The following FRMPD3 variants were observed in gnomAD, a reference collection of about 807,000 sequenced individuals.
FRMPD3 encodes the protein FERM and PDZ domain containing 3, also known as FERM and PDZ domain-containing protein 3.
FRMPD3 carries 42 observed loss-of-function variants against 97.9 expected under a neutral mutation model. The ratio of observed to expected loss-of-function variants is 0.43; its 90% CI spans 0.34 to 0.55. The LOEUF (loss-of-function observed/expected upper bound fraction) is 0.55, where lower values mean the gene tolerates loss of function less well. Ranked by LOEUF, FRMPD3 falls within the 20% of genes least tolerant of loss-of-function variation. The pLI, the probability that FRMPD3 is intolerant of heterozygous loss-of-function variation, is 0.03. For synonymous variants in FRMPD3, 577 were observed against 581.1 expected (o/e 0.99, Z 0.10); for missense variants, 1,303 against 1,457.7 (o/e 0.89, Z 1.73).
intron 13 of FRMPD3, among the ~76,000 whole-genome samples, chrX:107,589,619 A>G (rs890360854): frequency 2.7e-5 from 3 of 111,702 alleles, no homozygotes; most frequent in African/African-American, 6.5e-5. Context: ...GTTCTTTTCC[A>G]TGGGAAACTT....
intron 8 of FRMPD3, among the ~76,000 whole-genome samples, chrX:107,559,836 T>C (rs984086998): frequency 9.1e-6 from 1 of 110,348 alleles, no homozygotes; most frequent in Admixed American, 9.7e-5. Flanking sequence ...CTGTGGAGAG[T>C]CCCTCCCAGT....
chrX:107,599,902 C>T (rs1395140002), intron 14 of FRMPD3, among the ~76,000 whole-genome samples: 1 of 111,102 alleles, frequency 9.0e-6, no homozygotes, highest in African/African-American at 3.3e-5. Flanking sequence ...TATGCACTTC[C>T]TATATAGTCA....
intron 1 of FRMPD3, among the ~76,000 whole-genome samples, chrX:107,522,974 TG>T (rs1290826043): frequency 5.2e-4 from 58 of 111,353 alleles, no homozygotes; most frequent in African/African-American, 1.8e-3. Context: ...TGTTCAGGGA[TG>T]CCCTATTTGA....
In FRMPD3 at chrX:107,489,921, A is replaced by G. The variant is rs1392696165; in HGVS notation, c.-7-36661A>G. On this transcript the variant is annotated intron_variant, in intron 1 of 14. Transcript: ENST00000683843. ...ACATGAAGTCCTTGCCCATGCCTAT[A>G]TCCTGAATGGTATTGCCTAGGTTTT... Among the ~76,000 whole-genome samples, 197 of 111,587 alleles carry G rather than the reference A, an allele frequency of 1.8e-3. 1 individual carries two copies. Among genetic ancestry groups the G allele is most frequent in the African/African-American group, 5.9e-3 (181 of 30,679 alleles).
intron 1 of FRMPD3, among the ~76,000 whole-genome samples, chrX:107,499,870 A>G (rs1921863644): frequency 9.0e-6 from 1 of 111,174 alleles, no homozygotes; most frequent in African/African-American, 3.3e-5. Context: ...CCTCCCTCCC[A>G]ACTCTGGGCC....
Position 107,603,311 on chromosome X carries a change from T to C in FRMPD3, c.5272T>C (p.Ser1758Pro). ...GGCAGCCACAGAGCATCCACCAGGC[T>C]CCCCAACTTCGGCGACTGTTATGAG... ...AGAATEHPPG[S>P]PTSATVMSTF... The change falls in exon 15 of 15, where the codon TCC becomes CCC. Residue 1758 changes from serine (S) to proline (P), a missense_variant. Transcript: ENST00000683843. The C allele has an allele frequency of 9.1e-7, 1 of 1,103,889 alleles. No homozygotes were observed. The highest frequency in any genetic ancestry group is 3.5e-5 in the East Asian group (1 of 28,920). 91.0% of individuals were successfully genotyped at this position (1,103,889 alleles called of 1,213,427 possible). A position where few individuals can be genotyped will look rare whatever the true frequency, so the allele number is the denominator to read the frequency against.
intron 1 of FRMPD3, among the ~76,000 whole-genome samples, chrX:107,520,945 C>G (rs1922487869): frequency 8.9e-6 from 1 of 111,942 alleles, no homozygotes; most frequent in Admixed American, 9.5e-5. Flanking sequence ...TAAATGGCAG[C>G]TGATATTATT....
intron 13 of FRMPD3, among the ~76,000 whole-genome samples, chrX:107,578,480 C>T (rs1474144313): frequency 8.1e-5 from 9 of 111,468 alleles, no homozygotes; most frequent in Non-Finnish European, 1.5e-4. Context: ...GGCTTTAAAA[C>T]ACCCCACCCC....
intron 1 of FRMPD3, among the ~76,000 whole-genome samples, chrX:107,484,161 C>T (rs1010331383): frequency 1.6e-4 from 18 of 112,087 alleles, no homozygotes; most frequent in Admixed American, 4.7e-4. Context: ...TTTCCTATAG[C>T]ACAGGCCCAA....
intron 14 of FRMPD3, 134 bp downstream of exon 14, chrX:107,598,276 C>G: frequency 1.9e-6 from 1 of 534,708 alleles, no homozygotes; most frequent in Non-Finnish European, 3.1e-6. Flanking sequence ...ACCAAAGGTT[C>G]TTTAGATAGG....
At chrX:107,500,627 C>G (rs1465370943) in intron 1 of FRMPD3, among the ~76,000 whole-genome samples, 2 of 111,011 alleles carry the variant, frequency 1.8e-5, no homozygotes, top group African/African-American at 6.6e-5. Flanking sequence ...AACCCCGTCT[C>G]TACTAAAAAA....
intron 1 of FRMPD3, among the ~76,000 whole-genome samples, chrX:107,478,978 AC>A (rs1026526815): frequency 9.0e-6 from 1 of 110,781 alleles, no homozygotes. Flanking sequence ...TCTCCACCCC[AC>A]CCCCGAACCA....
At chrX:107,509,763 C>T (rs149750396) in intron 1 of FRMPD3, among the ~76,000 whole-genome samples, 126 of 110,693 alleles carry the variant, frequency 1.1e-3, no homozygotes, top group African/African-American at 3.7e-3. Flanking sequence ...GCATCCTCTG[C>T]TGCCCTCTGT....
At chrX:107,520,437 C>T (rs1177594297) in intron 1 of FRMPD3, among the ~76,000 whole-genome samples, 1 of 108,215 alleles carries the variant, frequency 9.2e-6, no homozygotes, top group Non-Finnish European at 1.9e-5. Flanking sequence ...CCCCAGAGTT[C>T]GAGACCAGCC....
At chrX:107,599,988 T>C (rs181472983) in intron 14 of FRMPD3, among the ~76,000 whole-genome samples, 1 of 112,113 alleles carries the variant, frequency 8.9e-6, no homozygotes, top group Admixed American at 9.5e-5. Context: ...AAAAGAAATA[T>C]GTCTATACTG....
rs2147665238 is a variant in FRMPD3 at position 107,604,918 on chromosome X, A to G, written c.*1545A>G. 9.0e-6 allele frequency: 1 copy of G among 110,622 alleles called. No homozygotes were observed. Among genetic ancestry groups the G allele is most frequent in the Admixed American group, 9.7e-5 (1 of 10,326 alleles). 9.1% of individuals were successfully genotyped at this position (110,622 alleles called of 1,213,427 possible). A position where few individuals can be genotyped will look rare whatever the true frequency, so the allele number is the denominator to read the frequency against. ...CAAGGAGGAGGGGAGTTTCTTCTGC[A>G]GAATCCAGCCCCTCACTTCCTTGCT... On this transcript the variant is annotated 3_prime_UTR_variant, in exon 15 of 15. Coordinates refer to ENST00000683843, the MANE Select transcript of FRMPD3 (RefSeq NM_001388459.1).
intron 1 of FRMPD3, among the ~76,000 whole-genome samples, chrX:107,456,596 C>G (rs1304012695): frequency 8.9e-6 from 1 of 112,207 alleles, no homozygotes; most frequent in Admixed American, 9.4e-5. Context: ...TTGTATTATC[C>G]ATTACCCTGT....
At chrX:107,549,923 G>A (rs1042922291) in intron 5 of FRMPD3, 126 bp from the exon 6 acceptor site, 1 of 477,908 alleles carries the variant, frequency 2.1e-6, no homozygotes, top group African/African-American at 2.4e-5. Flanking sequence ...CTCTGTCTCT[G>A]CCCTCCTACA....
intron 4 of FRMPD3, among the ~76,000 whole-genome samples, chrX:107,533,807 G>C (rs984672461): frequency 1.8e-5 from 2 of 112,197 alleles, no homozygotes; most frequent in Non-Finnish European, 3.8e-5. Context: ...GCTGCCCACT[G>C]CCTCAATTCC....
Sources: allele counts gnomAD v4.1 joint callset (sites outside exome capture counted in the v4.1 genomes callset), GRCh38; gene constraint gnomAD v4.1.1; transcripts MANE v1.5; gene names NCBI Gene and HGNC (gene_info 2026-07-23, HGNC 2026-07-21).